Variants in GPR158 observed in about 807,000 individuals in gnomAD.
The protein encoded by GPR158 is G protein-coupled receptor 158.
Under a neutral mutation model 78.2 loss-of-function variants are expected in GPR158, and 30 were observed. The ratio of observed to expected loss-of-function variants is 0.38; its 90% confidence interval spans 0.29 to 0.52. The LOEUF (loss-of-function observed/expected upper bound fraction) is 0.52. GPR158 is among the 20% of genes least tolerant of loss of function. The probability of loss-of-function intolerance (pLI) is 0.83; values close to 1 mark genes in which losing one functional copy is unlikely to be tolerated. For missense variants in GPR158, 1,463 were observed against 1,523.5 expected, an observed-to-expected ratio of 0.96 and a Z score of 0.66; for synonymous variants, 581 against 591.1, an observed-to-expected ratio of 0.98 and a Z score of 0.25.
At chr10:25,535,484 C>T (rs1413699084) in intron 5 of GPR158, among the ~76,000 whole-genome samples, 1 of 152,184 alleles carries the variant, frequency 6.6e-6, no homozygotes, top group East Asian at 1.9e-4. Flanking sequence ...CTGACAACAG[C>T]AGCATGGGCT....
chr10:25,529,543 G>A (rs908975680), intron 5 of GPR158, among the ~76,000 whole-genome samples: 6 of 152,218 alleles, frequency 3.9e-5, no homozygotes, highest in African/African-American at 7.2e-5. Context: ...GGTTGCCCCC[G>A]TTACTCAGAT....
intron 3 of GPR158, among the ~76,000 whole-genome samples, chr10:25,408,510 A>G (rs1168020151): frequency 6.6e-6 from 1 of 152,198 alleles, no homozygotes; most frequent in Non-Finnish European, 1.5e-5. Flanking sequence ...ATCGTCTCCT[A>G]TTCTACAGTG....
In GPR158 at chr10:25,518,173, G is replaced by C. The variant is rs1466141566; in HGVS notation, c.1405-32803G>C. Among the ~76,000 whole-genome samples, 49 of 88,612 alleles carry C rather than the reference G, an allele frequency of 5.5e-4. 15 individuals are homozygous for C. The highest frequency in any genetic ancestry group is 8.0e-4 in the Non-Finnish European group (36 of 45,198). 58.1% of individuals were successfully genotyped at this position (88,612 alleles called of 152,430 possible). Reference sequence around the variant, plus strand: ...GTTTATTTGTGTAGAGGTGTTTGTAGTATTCTCTGATGGTAGTTTGTATTT... The same window carrying C: ...GTTTATTTGTGTAGAGGTGTTTGTACTATTCTCTGATGGTAGTTTGTATTT... On this transcript the variant is annotated intron_variant, in intron 5 of 10. Coordinates refer to ENST00000376351, the MANE Select transcript of GPR158 (RefSeq NM_020752.3).
intron 1 of GPR158, among the ~76,000 whole-genome samples, chr10:25,218,301 C>T (rs1853248150): frequency 6.6e-6 from 1 of 152,110 alleles, no homozygotes; most frequent in African/African-American, 2.4e-5. Context: ...GAATGCTTCA[C>T]GGGCCGGGCT....
chr10:25,258,675 T>C (rs2130731171), intron 2 of GPR158, among the ~76,000 whole-genome samples: 1 of 152,240 alleles, frequency 6.6e-6, no homozygotes, highest in Non-Finnish European at 1.5e-5. Context: ...AAGCTTTCTG[T>C]GAAGAACAAG....
chr10:25,455,900 AGAATGATACATT>A (rs1489988745), intron 4 of GPR158, among the ~76,000 whole-genome samples: 2 of 152,200 alleles, frequency 1.3e-5, no homozygotes, highest in Admixed American at 6.5e-5. Context: ...GACAACTTTA[AGAATGATACATT>A]CAATGTGGAC....
Position 25,599,361 on chromosome 10 carries a change from T to A in GPR158, c.*87T>A. On this transcript the variant is annotated 3_prime_UTR_variant, in exon 11 of 11. Transcript: ENST00000376351. ...AGAATCAAATATTCCCAAGGAGGAT[T>A]TGTCAATCAAGGAAAACATGACAGA... 2 of 1,068,882 alleles carry A rather than the reference T, an allele frequency of 1.9e-6. No individual in the cohort carries two copies. Among genetic ancestry groups the A allele is most frequent in the Non-Finnish European group, 2.7e-6 (2 of 743,842 alleles). 66.2% of individuals were successfully genotyped at this position (1,068,882 alleles called of 1,614,324 possible). A position where few individuals can be genotyped will look rare whatever the true frequency, so the allele number is the denominator to read the frequency against.
At chr10:25,496,942 AAGAG>A (rs1468210340) in intron 5 of GPR158, among the ~76,000 whole-genome samples, 7 of 152,202 alleles carry the variant, frequency 4.6e-5, no homozygotes, top group Non-Finnish European at 7.3e-5. Flanking sequence ...ACTTAGGAGA[AAGAG>A]AGAATCCTGT....
chr10:25,553,518 T>C (rs1046340017), intron 6 of GPR158, among the ~76,000 whole-genome samples: 1 of 152,172 alleles, frequency 6.6e-6, no homozygotes, highest in Non-Finnish European at 1.5e-5. Context: ...ATTGTTTACA[T>C]CTATAAACTG....
intron 1 of GPR158, among the ~76,000 whole-genome samples, chr10:25,217,437 G>A (rs888144658): frequency 2.6e-5 from 4 of 152,080 alleles, no homozygotes; most frequent in Non-Finnish European, 2.9e-5. Flanking sequence ...AGGTCATCTC[G>A]TCACATACAT....
chr10:25,289,535 C>T (rs868124013), intron 2 of GPR158, among the ~76,000 whole-genome samples: 1 of 152,172 alleles, frequency 6.6e-6, no homozygotes, highest in African/African-American at 2.4e-5. Flanking sequence ...TGGGTTCACC[C>T]CATTCTCCTG....
intron 6 of GPR158, among the ~76,000 whole-genome samples, chr10:25,552,018 T>A (rs896570882): frequency 1.2e-4 from 19 of 152,180 alleles, no homozygotes; most frequent in Admixed American, 1.2e-3. Context: ...TTTATTTTCA[T>A]TTTTTCTCTT....
chr10:25,466,174 G>T (rs1238773347), intron 4 of GPR158: 1 of 152,644 alleles, frequency 6.6e-6, no homozygotes, highest in African/African-American at 2.4e-5. Flanking sequence ...CCGTGCGGAA[G>T]CTTCACTTTC....
chr10:25,277,439 T>A (rs1854200285), intron 2 of GPR158, among the ~76,000 whole-genome samples: 1 of 145,522 alleles, frequency 6.9e-6, no homozygotes, highest in East Asian at 2.0e-4. Flanking sequence ...ACAATTTCAG[T>A]TGAGTAGCTG....
intron 2 of GPR158, among the ~76,000 whole-genome samples, chr10:25,358,333 T>C (rs1358381873): frequency 6.6e-6 from 1 of 151,994 alleles, no homozygotes; most frequent in African/African-American, 2.4e-5. Context: ...GGTTTTGAAA[T>C]GTGAATATAT....
chr10:25,518,078 ACTT>A (rs1307162949), intron 5 of GPR158, among the ~76,000 whole-genome samples: 1 of 96,034 alleles, frequency 1.0e-5, no homozygotes, highest in African/African-American at 5.2e-5. Context: ...CAGAGATTCA[ACTT>A]CTTCCTGGTT....
At chr10:25,249,452 C>T (rs1853756960) in intron 2 of GPR158, among the ~76,000 whole-genome samples, 1 of 151,962 alleles carries the variant, frequency 6.6e-6, no homozygotes, top group Admixed American at 6.6e-5. Flanking sequence ...GTGGGTTTGT[C>T]ATAGATAGCT....
At chr10:25,424,190 G>A (rs1482030152) in intron 4 of GPR158, among the ~76,000 whole-genome samples, 1 of 152,166 alleles carries the variant, frequency 6.6e-6, no homozygotes, top group African/African-American at 2.4e-5. Context: ...CTTTTGAGAA[G>A]TGTCTGTTCA....
intron 4 of GPR158, 85 bp from the exon 5 acceptor site, chr10:25,466,566 T>C: frequency 2.5e-6 from 2 of 808,670 alleles, no homozygotes; most frequent in Middle Eastern, 2.3e-4. Context: ...GCTGTCCTAC[T>C]GCATTGTGGC....
Sources: allele counts gnomAD v4.1 joint callset (sites outside exome capture counted in the v4.1 genomes callset), GRCh38; gene constraint gnomAD v4.1.1; transcripts MANE v1.5; gene names NCBI Gene and HGNC (gene_info 2026-07-23, HGNC 2026-07-21).